DOT1L: variants seen among roughly 807,000 people sequenced by gnomAD.
DOT1L encodes DOT1 like histone lysine methyltransferase, also known as histone-lysine N-methyltransferase, H3 lysine-79 specific.
Under a neutral mutation model 153.3 loss-of-function variants are expected in DOT1L, and 33 were observed. The observed-to-expected ratio is 0.22, with a 90% CI of 0.16 to 0.29. DOT1L has a LOEUF of 0.29. Ranked by LOEUF, DOT1L falls within the 10% of genes least tolerant of loss-of-function variation. The pLI is 1.00. For missense variants in DOT1L, 1,847 were observed against 2,119.9 expected (o/e 0.87, Z 2.53); for synonymous variants, 1,135 against 965.1 (o/e 1.18, Z -3.26).
Position 2,230,427 on chromosome 19 carries a change from G to GGGTTGCGCCCTT in DOT1L, c.*637_*648dup, listed in dbSNP as rs1165335612. ...CCAGACTGTTCACCCTCCGGGGCGT[G>GGGTTGCGCCCTT]GGTTGCGCCCTTGCATGTGAAGGGG... On this transcript the variant is annotated 3_prime_UTR_variant, in exon 28 of 28. Coordinates refer to ENST00000398665, the MANE Select transcript of DOT1L (RefSeq NM_032482.3). 1.0e-5 allele frequency: 4 copies of GGGTTGCGCCCTT among 400,070 alleles called. No individual in the cohort carries two copies. Among genetic ancestry groups the GGGTTGCGCCCTT allele is most frequent in the Non-Finnish European group, 1.8e-5 (4 of 227,198 alleles). 24.8% of individuals were successfully genotyped at this position (400,070 alleles called of 1,614,324 possible). A position where few individuals can be genotyped will look rare whatever the true frequency, so the allele number is the denominator to read the frequency against.
At chr19:2,229,616 G>A (rs1443187406) in intron 27 of DOT1L, 169 bp from the exon 28 acceptor site, 3 of 985,332 alleles carry the variant, frequency 3.0e-6, no homozygotes, top group South Asian at 4.7e-5. Context: ...CACGGGGCAC[G>A]CCCGTCGTCT....
At chr19:2,209,849 C>A (rs978809650) in intron 12 of DOT1L, among the ~76,000 whole-genome samples, 4 of 152,208 alleles carry the variant, frequency 2.6e-5, no homozygotes, top group Admixed American at 6.5e-5. Context: ...CTCGGGGGCC[C>A]TCTGTCCTTC....
intron 1 of DOT1L, among the ~76,000 whole-genome samples, chr19:2,170,674 C>T (rs909049321): frequency 6.6e-6 from 1 of 152,142 alleles, no homozygotes; most frequent in Non-Finnish European, 1.5e-5. Context: ...AGTGACCGGT[C>T]GGCTGTAAAT....
chr19:2,223,404 C>T lies in DOT1L; in HGVS notation c.3514C>T (p.Leu1172=), dbSNP rs774133943. The change falls in exon 25 of 28, where the codon CTG becomes TTG. Residue 1172 remains leucine (L), a synonymous_variant. Coordinates refer to ENST00000398665, the MANE Select transcript of DOT1L (RefSeq NM_032482.3). The part of the protein sequence containing the change: ...QPPVLKKERP[L]SQTNGAHYSP... The stretch of plus-strand genomic sequence containing the variant: ...CCCCGTGCTCAAGAAGGAGCGGCCT[C>T]TGAGCCAGACCAATGGGGCACACTA... 6.2e-7 allele frequency: 1 copy of T among 1,613,790 alleles called. No individual in the cohort carries two copies. The highest frequency in any genetic ancestry group is 1.7e-5 in the Admixed American group (1 of 60,016).
At chr19:2,200,903 C>A (rs1432763963) in intron 8 of DOT1L, among the ~76,000 whole-genome samples, 1 of 147,936 alleles carries the variant, frequency 6.8e-6, no homozygotes, top group Non-Finnish European at 1.5e-5. Flanking sequence ...TTCATCCTCC[C>A]CTCATTCCTC....
rs1028184744 is a variant in DOT1L at position 2,224,480 on chromosome 19, T to C, written c.3597-908T>C. Reference sequence around the variant, plus strand: ...TTTTTTGCTTTTTTTTTTTTTTTTTTCCTGAGACACAGAGTTTTGGTCTGT... The same window carrying C: ...TTTTTTGCTTTTTTTTTTTTTTTTTCCCTGAGACACAGAGTTTTGGTCTGT... On this transcript the variant is annotated intron_variant, in intron 25 of 27. Coordinates refer to ENST00000398665, the MANE Select transcript of DOT1L (RefSeq NM_032482.3). Among the ~76,000 whole-genome samples the C allele has an allele frequency of 2.3e-3, 344 of 150,862 alleles. 1 individual carries two copies. Among genetic ancestry groups the C allele is most frequent in the African/African-American group, 7.5e-3 (308 of 40,986 alleles).
chr19:2,221,942 G>C (rs1192027483), intron 23 of DOT1L, 34 bp from the exon 24 acceptor site: 1 of 1,556,172 alleles, frequency 6.4e-7, no homozygotes. Context: ...TGGCCATCCT[G>C]TGTCCCCTGA....
rs910185975 is a variant in DOT1L, at chr19:2,203,589, G to A, written c.787+810G>A. On this transcript the variant is annotated intron_variant, in intron 9 of 27. Transcript: ENST00000398665. Reference sequence around the variant, plus strand: ...ACCAGGCCCATGCAGGGCCCTTCACGCTGTTTTCTGAACCCCAAGCCCTGG... The same window carrying A: ...ACCAGGCCCATGCAGGGCCCTTCACACTGTTTTCTGAACCCCAAGCCCTGG... Among the ~76,000 whole-genome samples, 7 of 152,188 alleles carry A rather than the reference G, an allele frequency of 4.6e-5. No individual in the cohort carries two copies. In the East Asian group the frequency reaches 5.8e-4, roughly 13 times the overall value.
chr19:2,226,894 C>T lies in DOT1L; in HGVS notation c.4373C>T (p.Ala1458Val). ...ASSAGGAASS[A>V]QTHRSFLGPF... is the part of the protein sequence containing the mutation. ...TCCGCAGGCGGCGCGGCGTCCTCCGCCCAGACGCACCGGTCCTTCCTGGGC... is the reference window on the plus strand; with the variant it reads ...TCCGCAGGCGGCGCGGCGTCCTCCGTCCAGACGCACCGGTCCTTCCTGGGC... Residue 1458 changes from alanine to valine, a missense_variant, in exon 27 of 28, where the codon GCC becomes GTC. By Grantham distance (64) the Ala-to-Val change is moderately conservative. Transcript: ENST00000398665. 6.3e-7 allele frequency: 1 copy of T among 1,578,052 alleles called. No homozygotes were observed. The highest frequency in any genetic ancestry group is 8.5e-7 in the Non-Finnish European group (1 of 1,170,912).
chr19:2,208,927 C>A lies in DOT1L; in HGVS notation c.964-8C>A, dbSNP rs753445604. 1.7e-5 allele frequency: 28 copies of A among 1,612,418 alleles called. No individual in the cohort carries two copies. In the South Asian group the frequency reaches 3.0e-4, roughly 17 times the overall value. ...CCTTCTAATCAGGGTTCTCTTTCTTCTTTTTAGCTTGAAAACTATTTTTCT... is the reference window on the plus strand; with the variant it reads ...CCTTCTAATCAGGGTTCTCTTTCTTATTTTTAGCTTGAAAACTATTTTTCT... On this transcript the variant is annotated splice_polypyrimidine_tract_variant and splice_region_variant and intron_variant, in intron 11 of 27. Coordinates refer to ENST00000398665, the MANE Select transcript of DOT1L (RefSeq NM_032482.3). This position sits in a 1 kb window ranked among gnomAD's most constrained non-coding sequence, Gnocchi z 4.4.
intron 2 of DOT1L, among the ~76,000 whole-genome samples, chr19:2,184,037 G>T (rs910853907): frequency 6.6e-6 from 1 of 152,204 alleles, no homozygotes; most frequent in African/African-American, 2.4e-5. Context: ...GTGTCCGCGC[G>T]TATTCCTCAG....
intron 1 of DOT1L, among the ~76,000 whole-genome samples, chr19:2,168,590 T>A (rs991821587): frequency 3.9e-5 from 6 of 152,168 alleles, no homozygotes; most frequent in Non-Finnish European, 7.4e-5. Flanking sequence ...AGTTCCTGGA[T>A]AACCGCTTTT....
At chr19:2,176,052 G>A (rs1201389909) in intron 1 of DOT1L, among the ~76,000 whole-genome samples, 1 of 152,128 alleles carries the variant, frequency 6.6e-6, no homozygotes, top group Non-Finnish European at 1.5e-5. Context: ...CCAGGAACAG[G>A]TCTGTGCTGG....
At chr19:2,174,601 G>T (rs1182011812) in intron 1 of DOT1L, among the ~76,000 whole-genome samples, 1 of 152,134 alleles carries the variant, frequency 6.6e-6, no homozygotes, top group African/African-American at 2.4e-5. Context: ...CAGGAGAATC[G>T]CAAAAGCTAA....
chr19:2,229,085 A>G (rs1005613276), intron 27 of DOT1L: 1 of 985,414 alleles, frequency 1.0e-6, no homozygotes, highest in Non-Finnish European at 1.2e-6. Flanking sequence ...CTCAGATGTC[A>G]GCACCAAGCT....
intron 7 of DOT1L, among the ~76,000 whole-genome samples, chr19:2,195,842 CAA>C (rs1282662068): frequency 1.3e-5 from 2 of 152,240 alleles, no homozygotes; most frequent in African/African-American, 2.4e-5. Flanking sequence ...GCAACAGAAA[CAA>C]AGTGTTCAGG....
chr19:2,227,942 G>T (rs1295775642), intron 27 of DOT1L: 1 of 803,524 alleles, frequency 1.2e-6, no homozygotes, highest in East Asian at 1.7e-4. Flanking sequence ...CGCTGCCCCC[G>T]CCTGCGCACC....
intron 1 of DOT1L, chr19:2,164,605 T>G: frequency 6.0e-6 from 1 of 167,120 alleles, no homozygotes; most frequent in Non-Finnish European, 1.1e-5. Context: ...CCCGCCCCGC[T>G]CGTTCCCGGC....
At chr19:2,205,484 A>G (rs1319315944) in intron 9 of DOT1L, among the ~76,000 whole-genome samples, 1 of 152,088 alleles carries the variant, frequency 6.6e-6, no homozygotes, top group Admixed American at 6.6e-5. Context: ...ACGGGGTTTC[A>G]CTGTGTTGGT....
Sources: allele counts gnomAD v4.1 joint callset (sites outside exome capture counted in the v4.1 genomes callset), GRCh38; gene constraint gnomAD v4.1.1; non-coding constraint Gnocchi (gnomAD v3.1); transcripts MANE v1.5; gene names NCBI Gene and HGNC (gene_info 2026-07-23, HGNC 2026-07-21).